The following CSGALNACT1 variants were observed in gnomAD, a reference collection of about 807,000 sequenced individuals.
The protein encoded by CSGALNACT1 is beta4GalNAcT-1.
In CSGALNACT1, 52 loss-of-function variants were observed where a neutral mutation model predicts 51.0. The observed-to-expected ratio is 1.02, with a 90% CI of 0.82 to 1.29. The LOEUF (loss-of-function observed/expected upper bound fraction) is 1.29, where lower values mean the gene tolerates loss of function less well. Ranked by LOEUF, CSGALNACT1 falls within the 50% of genes most tolerant of loss-of-function variation. The pLI, the probability that CSGALNACT1 is intolerant of heterozygous loss-of-function variation, is 0.00. For synonymous variants in CSGALNACT1, 341 were observed against 254.4 expected, an observed-to-expected ratio of 1.34 and a Z score of -3.24; for missense variants, 935 against 679.2, an observed-to-expected ratio of 1.38 and a Z score of -4.19.
Position 19,666,987 on chromosome 8 carries a change from GAAAGAAAGAAAGAAAGAAAGAAAGAAAGA to G in CSGALNACT1, c.-544+15457_-544+15485del, listed in dbSNP as rs1589385122. On this transcript the variant is annotated intron_variant, in intron 1 of 9. Coordinates refer to the CSGALNACT1 transcript ENST00000332246. The stretch of plus-strand genomic sequence containing the variant: ...AGAAAGAAAGAAAGAAAGAAAGAAA[GAAAGAAAGAAAGAAAGAAAGAAAGAAAGA>G]AAGGAAGGAAGGAAGGAAGGAAGGA... Among the ~76,000 whole-genome samples the G allele has an allele frequency of 2.7e-3, 67 of 24,870 alleles. 2 individuals carry two copies. The highest frequency in any genetic ancestry group is 7.2e-3 in the South Asian group (5 of 696). The allele number at this position is 24,870 out of a possible 152,430, so 16.3% of individuals were successfully genotyped here.
At chr8:19,533,483 C>T (rs1251133423) in intron 3 of CSGALNACT1, among the ~76,000 whole-genome samples, 1 of 152,138 alleles carries the variant, frequency 6.6e-6, no homozygotes, top group African/African-American at 2.4e-5. Context: ...CCAAATCCTA[C>T]TCTTCCAAGA....
chr8:19,511,317 T>C (rs961056840), intron 3 of CSGALNACT1, among the ~76,000 whole-genome samples: 3 of 152,232 alleles, frequency 2.0e-5, no homozygotes, highest in African/African-American at 2.4e-5. Flanking sequence ...AAAGCCCTAA[T>C]GCCGCAGTGC....
chr8:19,710,027 A>G (rs2062407521), intron 1 of CSGALNACT1, among the ~76,000 whole-genome samples: 1 of 152,188 alleles, frequency 6.6e-6, no homozygotes, highest in Non-Finnish European at 1.5e-5. Context: ...AGGAGGCAAG[A>G]CATGTGTGAA....
chr8:19,723,721 T>C (rs2063247529), intron 1 of CSGALNACT1, among the ~76,000 whole-genome samples: 1 of 152,172 alleles, frequency 6.6e-6, no homozygotes, highest in African/African-American at 2.4e-5. Flanking sequence ...TAATGAAGTC[T>C]AGTGATACAT....
chr8:19,426,425 A>G (rs527545595), intron 6 of CSGALNACT1, among the ~76,000 whole-genome samples: 1 of 152,368 alleles, frequency 6.6e-6, no homozygotes, highest in Non-Finnish European at 1.5e-5. Context: ...AATATGGTTC[A>G]AAGTTGAAGT....
At chr8:19,689,152 A>T (rs1303830583) in intron 1 of CSGALNACT1, among the ~76,000 whole-genome samples, 1 of 152,198 alleles carries the variant, frequency 6.6e-6, no homozygotes, top group Non-Finnish European at 1.5e-5. Flanking sequence ...GGAGTACAGC[A>T]CAGCAGTAGC....
intron 3 of CSGALNACT1, among the ~76,000 whole-genome samples, chr8:19,519,796 G>GGC (rs1329560806): frequency 2.6e-5 from 4 of 152,196 alleles, no homozygotes; most frequent in African/African-American, 9.6e-5. Flanking sequence ...TCCCAGGGGT[G>GGC]GCATTCTGGT....
chr8:19,576,384 G>C (rs564532331), intron 3 of CSGALNACT1, among the ~76,000 whole-genome samples: 185 of 152,158 alleles, frequency 1.2e-3, no homozygotes, highest in Admixed American at 3.1e-3. Context: ...GTAGAGACGG[G>C]GTTTCATTAT....
chr8:19,469,524 G>C (rs768040935), intron 4 of CSGALNACT1, among the ~76,000 whole-genome samples: 10 of 152,192 alleles, frequency 6.6e-5, no homozygotes, highest in Non-Finnish European at 1.2e-4. Flanking sequence ...AAAATGATAA[G>C]GGATGAAGGG....
At chr8:19,634,372 A>T (rs1024042583) in intron 1 of CSGALNACT1, among the ~76,000 whole-genome samples, 1 of 152,148 alleles carries the variant, frequency 6.6e-6, no homozygotes, top group Admixed American at 6.5e-5. Context: ...TTACAAGAAG[A>T]AATACAAGAG....
intron 3 of CSGALNACT1, among the ~76,000 whole-genome samples, chr8:19,576,332 T>G (rs1421895630): frequency 1.3e-5 from 2 of 151,744 alleles, no homozygotes; most frequent in African/African-American, 4.8e-5. Flanking sequence ...AATACTGGGA[T>G]TACAGGCACA....
intron 8 of CSGALNACT1, among the ~76,000 whole-genome samples, chr8:19,410,123 G>T (rs1398514952): frequency 6.6e-6 from 1 of 152,146 alleles, no homozygotes; most frequent in Admixed American, 6.5e-5. Flanking sequence ...ATTCCACAGG[G>T]AATGGGGACC....
chr8:19,613,142 A>C (rs972731613), intron 1 of CSGALNACT1, among the ~76,000 whole-genome samples: 1 of 152,088 alleles, frequency 6.6e-6, no homozygotes, highest in Non-Finnish European at 1.5e-5. Flanking sequence ...AAACTCTTAA[A>C]AATTTCAAGG....
At position 19,624,877 on chromosome 8, in the gene CSGALNACT1, C is replaced by T. The variant is rs576253808; in HGVS notation, c.-543-23012G>A. Among the ~76,000 whole-genome samples, 12 of 152,250 alleles carry T rather than the reference C, an allele frequency of 7.9e-5. No homozygotes were observed. In the South Asian group the frequency reaches 2.3e-3, roughly 29 times the overall value. ...TATTTTTAGTAGAAATGGGGTTTCA[C>T]CATATTGGCCAGGATGGTCTCAATC... On this transcript the variant is annotated intron_variant, in intron 1 of 9. Transcript: ENST00000332246.
At chr8:19,430,293 C>T (rs1391459940) in intron 6 of CSGALNACT1, among the ~76,000 whole-genome samples, 6 of 152,298 alleles carry the variant, frequency 3.9e-5, no homozygotes, top group African/African-American at 1.4e-4. Context: ...TGAAGACTTA[C>T]ACCTATGTTT....
intron 8 of CSGALNACT1, among the ~76,000 whole-genome samples, chr8:19,415,735 C>G (rs1390709285): frequency 6.6e-6 from 1 of 152,186 alleles, no homozygotes; most frequent in Non-Finnish European, 1.5e-5. Context: ...AAATGCAAAA[C>G]AACACATTAC....
At chr8:19,569,492 A>C (rs1564089832) in intron 3 of CSGALNACT1, among the ~76,000 whole-genome samples, 1 of 152,004 alleles carries the variant, frequency 6.6e-6, no homozygotes, top group Non-Finnish European at 1.5e-5. Flanking sequence ...TTCACTTGAG[A>C]AGAAGTATCT....
intron 1 of CSGALNACT1, among the ~76,000 whole-genome samples, chr8:19,692,033 C>T (rs762190851): frequency 3.4e-5 from 5 of 147,880 alleles, no homozygotes; most frequent in Admixed American, 6.9e-5. Flanking sequence ...CATAGTTCTT[C>T]GCAAAGTAGC....
intron 1 of CSGALNACT1, among the ~76,000 whole-genome samples, chr8:19,650,051 A>G (rs2057660942): frequency 6.6e-6 from 1 of 152,098 alleles, no homozygotes; most frequent in Non-Finnish European, 1.5e-5. Flanking sequence ...AGTACTTCCC[A>G]AACTTTCATG....
Sources: allele counts gnomAD v4.1 joint callset (sites outside exome capture counted in the v4.1 genomes callset), GRCh38; gene constraint gnomAD v4.1.1; transcripts MANE v1.5; gene names NCBI Gene and HGNC (gene_info 2026-07-23, HGNC 2026-07-21).